The following CHMP1A variants were observed in gnomAD, a reference collection of about 807,000 sequenced individuals.
The protein encoded by CHMP1A is VPS46 homolog A.
Under a neutral mutation model 27.0 loss-of-function variants are expected in CHMP1A, and 17 were observed. The ratio of observed to expected loss-of-function variants is 0.63; its 90% CI spans 0.43 to 0.95. The LOEUF (loss-of-function observed/expected upper bound fraction) is 0.95. Among genes scored for constraint, CHMP1A ranks in the 40% least tolerant of loss-of-function variants. CHMP1A has a pLI of 0.00. For synonymous variants in CHMP1A, 131 were observed against 107.5 expected (o/e 1.22, Z -1.35); for missense variants, 275 against 264.0 (o/e 1.04, Z -0.29).
Position 89,653,940 on chromosome 16 carries a change from A to T in CHMP1A, c.8-17T>A. On this transcript the variant is annotated splice_polypyrimidine_tract_variant and intron_variant, in intron 1 of 6. Coordinates refer to ENST00000397901, the MANE Select transcript of CHMP1A (RefSeq NM_002768.5). ...ACAGGGTATCTGCAAAGAAAGAGGG[A>T]ATTAATGGTTTGAGGATTGGGAATG... 1 of 1,613,282 alleles carries T rather than the reference A, an allele frequency of 6.2e-7. No homozygotes were observed. The highest frequency in any genetic ancestry group is 2.2e-5 in the East Asian group (1 of 44,872).
At chr16:89,649,174 CACGCTGAT>C in intron 4 of CHMP1A, 169 bp downstream of exon 4, 1 of 357,176 alleles carries the variant, frequency 2.8e-6, no homozygotes, top group Non-Finnish European at 4.4e-6. Flanking sequence ...CTCCCCACCC[CACGCTGAT>C]CCAGCCCTCA....
At chr16:89,654,167 T>C (rs2059846127) in intron 1 of CHMP1A, among the ~76,000 whole-genome samples, 1 of 152,208 alleles carries the variant, frequency 6.6e-6, no homozygotes. Context: ...CCTGTTTCCT[T>C]GTTGGGAACA....
rs572984773 is a variant in CHMP1A, at chr16:89,653,972, T to C, written c.8-49A>G. The C allele has an allele frequency of 1.5e-5, 24 of 1,598,236 alleles. No individual in the cohort carries two copies. The African/African-American group carries it at 1.6e-4, about 11-fold the overall frequency. ...GGTTTGAGGATTGGGAATGGGACGT[T>C]ACACTTCTGGCAGGCAGGACTCACT... On this transcript the variant is annotated intron_variant, in intron 1 of 6. Coordinates refer to ENST00000397901, the MANE Select transcript of CHMP1A (RefSeq NM_002768.5).
intron 1 of CHMP1A, among the ~76,000 whole-genome samples, chr16:89,655,436 T>TCACCTCAGCTTTC (rs2059857613): frequency 2.8e-5 from 2 of 72,672 alleles, no homozygotes; most frequent in East Asian, 4.7e-4. Flanking sequence ...ACCTCAGCTC[T>TCACCTCAGCTTTC]CCTCACCTCA....
In CHMP1A at chr16:89,656,751, G is replaced by A. The variant is rs189395421; in HGVS notation, c.7+831C>T. On this transcript the variant is annotated intron_variant, in intron 1 of 6. Coordinates refer to ENST00000397901, the MANE Select transcript of CHMP1A (RefSeq NM_002768.5). ...GCAGTGATGCTGTTTGGGGCAGGGG[G>A]TGCAACTGTCACTTTTTCTGGTGCC... Among the ~76,000 whole-genome samples the A allele has an allele frequency of 3.3e-5, 5 of 152,320 alleles. No individual in the cohort carries two copies. The East Asian group carries it at 9.7e-4, about 29-fold the overall frequency.
intron 4 of CHMP1A, among the ~76,000 whole-genome samples, chr16:89,647,607 G>GGACTGCTGTGCCCTCCTGGCCC (rs2059786972): frequency 1.6e-5 from 2 of 124,806 alleles, no homozygotes; most frequent in Non-Finnish European, 3.4e-5. Flanking sequence ...CCGACGTGGA[G>GGACTGCTGTGCCCTCCTGGCCC]ACCCAGTGCG....
chr16:89,653,703 T>A (rs1224772734), intron 2 of CHMP1A, among the ~76,000 whole-genome samples: 1 of 151,368 alleles, frequency 6.6e-6, no homozygotes, highest in Non-Finnish European at 1.5e-5. Flanking sequence ...TGCCTCCACT[T>A]AGCCTCAGAT....
Position 89,645,823 on chromosome 16 carries a change from C to T in CHMP1A, c.*243G>A. 1.5e-6 allele frequency: 2 copies of T among 1,324,410 alleles called. No individual in the cohort carries two copies. Among genetic ancestry groups the T allele is most frequent in the Non-Finnish European group, 2.0e-6 (2 of 978,310 alleles). The allele number at this position is 1,324,410 out of a possible 1,614,324, so 82.0% of individuals were successfully genotyped here. On this transcript the variant is annotated 3_prime_UTR_variant, in exon 7 of 7. Coordinates refer to ENST00000397901, the MANE Select transcript of CHMP1A (RefSeq NM_002768.5). ...CCCCTCTTGGCCTCCCCGCTGTGGG[C>T]CCAGAGTCACAGAAATCACCCCCAG...
At chr16:89,648,642 G>C (rs1014383652) in intron 4 of CHMP1A, among the ~76,000 whole-genome samples, 3 of 152,188 alleles carry the variant, frequency 2.0e-5, no homozygotes, top group African/African-American at 7.2e-5. Flanking sequence ...TATAATTCCA[G>C]CACTTTGGGA....
intron 1 of CHMP1A, among the ~76,000 whole-genome samples, chr16:89,654,489 G>A (rs561579699): frequency 6.6e-6 from 1 of 152,180 alleles, no homozygotes; most frequent in East Asian, 1.9e-4. Flanking sequence ...AAAATAGCAA[G>A]GTGGTAACTC....
chr16:89,657,658 G>A lies in CHMP1A; in HGVS notation c.-70C>T. ...CAACTCCGGGCGGTGTCAGGTCCCG[G>A]CGGCGATCGAACCGACCAAGCTGCA... On this transcript the variant is annotated 5_prime_UTR_variant, in exon 1 of 7. Transcript: ENST00000397901. 1 of 1,602,504 alleles carries A rather than the reference G, an allele frequency of 6.2e-7. No individual in the cohort carries two copies. The highest frequency in any genetic ancestry group is 1.1e-5 in the South Asian group (1 of 89,752).
In CHMP1A at chr16:89,646,384, G is replaced by A. The variant is rs967607521; in HGVS notation, c.569+143C>T. On this transcript the variant is annotated intron_variant, in intron 6 of 6. Coordinates refer to ENST00000397901, the MANE Select transcript of CHMP1A (RefSeq NM_002768.5). ...GGCTCGCTTGGGGGCGGCTGCAGCT[G>A]GGGCCTCTGAGTCGAGATCAGGGCT... 5.1e-6 allele frequency: 5 copies of A among 986,434 alleles called. No homozygotes were observed. In the African/African-American group the frequency reaches 6.6e-5, roughly 13 times the overall value. 61.1% of individuals were successfully genotyped at this position (986,434 alleles called of 1,614,324 possible). A position where few individuals can be genotyped will look rare whatever the true frequency, so the allele number is the denominator to read the frequency against.
Position 89,646,716 on chromosome 16 carries a change from TG to T in CHMP1A, c.382-3del. ...CGAGCTCATGGAGTCCTCCATCACC[TG>T]GGGGCAGGGGCATGCTCTGGACAAC... On this transcript the variant is annotated splice_polypyrimidine_tract_variant and splice_region_variant and intron_variant, in intron 5 of 6. Coordinates refer to ENST00000397901, the MANE Select transcript of CHMP1A (RefSeq NM_002768.5). 1.2e-6 allele frequency: 2 copies of T among 1,607,528 alleles called. 1 individual carries two copies. The highest frequency in any genetic ancestry group is 3.4e-5 in the Admixed American group (2 of 59,210).
intron 4 of CHMP1A, among the ~76,000 whole-genome samples, chr16:89,647,571 G>C (rs2059786065): frequency 6.8e-6 from 1 of 146,790 alleles, no homozygotes; most frequent in African/African-American, 2.6e-5. Context: ...TGGAGACCCA[G>C]TGCGGGGTCA....
chr16:89,654,096 T>A (rs1487352774), intron 1 of CHMP1A, among the ~76,000 whole-genome samples, 173 bp from the exon 2 acceptor site: 1 of 152,108 alleles, frequency 6.6e-6, no homozygotes, highest in Admixed American at 6.5e-5. Flanking sequence ...ACGAGACAGA[T>A]TCGTGTGCCA....
At position 89,644,757 on chromosome 16, in the gene CHMP1A, C is replaced by T. The variant is rs2059760588; in HGVS notation, c.*1309G>A. The T allele has an allele frequency of 6.6e-6, 1 of 152,394 alleles. No individual in the cohort carries two copies. The allele number at this position is 152,394 out of a possible 1,614,324, so 9.4% of individuals were successfully genotyped here. A position where few individuals can be genotyped will look rare whatever the true frequency, so the allele number is the denominator to read the frequency against. ...GTCTCCACGTTCCTGCACGTAACAC[C>T]CACGACACCACTGCAGCCTCAGCAT... is the stretch of plus-strand genomic sequence containing the variant. On this transcript the variant is annotated 3_prime_UTR_variant, in exon 7 of 7. Transcript: ENST00000397901.
In CHMP1A at chr16:89,657,607, A is replaced by C; in HGVS notation, c.-19T>G. The C allele has an allele frequency of 6.2e-7, 1 of 1,611,080 alleles. No homozygotes were observed. The highest frequency in any genetic ancestry group is 8.5e-7 in the Non-Finnish European group (1 of 1,179,208). Reference sequence around the variant, plus strand: ...CGTCCATGGCCACAATGACAGGAGCAGCACTCGGAGAGGGAGAAGGGACGC... The same window carrying C: ...CGTCCATGGCCACAATGACAGGAGCCGCACTCGGAGAGGGAGAAGGGACGC... On this transcript the variant is annotated 5_prime_UTR_variant, in exon 1 of 7. Coordinates refer to ENST00000397901, the MANE Select transcript of CHMP1A (RefSeq NM_002768.5).
intron 2 of CHMP1A, among the ~76,000 whole-genome samples, chr16:89,652,114 CAGG>C (rs1430345424): frequency 1.3e-5 from 2 of 152,238 alleles, no homozygotes; most frequent in African/African-American, 4.8e-5. Flanking sequence ...GCTGTGGATG[CAGG>C]AGGTTGCTGG....
At chr16:89,649,285 C>T in intron 4 of CHMP1A, 66 bp downstream of exon 4, 2 of 1,578,828 alleles carry the variant, frequency 1.3e-6, no homozygotes, top group Non-Finnish European at 1.7e-6. Context: ...CAGATCCAGA[C>T]CGCAGAGCCC....
Sources: gnomAD v4.1 joint callset for allele counts (sites outside exome capture counted in the v4.1 genomes callset) on GRCh38, gnomAD v4.1.1 for gene constraint, MANE v1.5 for transcripts, NCBI Gene and HGNC (gene_info 2026-07-23, HGNC 2026-07-21) for gene names.